Variants in CCT8 observed in about 807,000 individuals in gnomAD.
CCT8 encodes T-complex protein 1 subunit theta.
A neutral mutation model predicts 65.7 loss-of-function variants in CCT8; 10 were observed. That is an observed-to-expected ratio of 0.15 (90% confidence interval 0.09 to 0.26). The LOEUF (loss-of-function observed/expected upper bound fraction) is 0.26, where lower values mean the gene tolerates loss of function less well. Among genes scored for constraint, CCT8 ranks in the 10% least tolerant of loss-of-function variants. The probability of loss-of-function intolerance (pLI) is 1.00; values close to 1 mark genes in which losing one functional copy is unlikely to be tolerated. For synonymous variants in CCT8, 199 were observed against 221.8 expected (o/e 0.90, Z 0.92); for missense variants, 568 against 669.1 (o/e 0.85, Z 1.67).
Position 29,056,506 on chromosome 21 carries a change from T to C in CCT8, c.1616A>G (p.Lys539Arg). Residue 539 changes from lysine (K) to arginine (R), a missense_variant, in exon 15 of 15, where the codon AAG becomes AGG. Lys to Arg is a conservative substitution (Grantham distance 26). Coordinates refer to ENST00000286788, the MANE Select transcript of CCT8 (RefSeq NM_006585.4). The part of the protein sequence containing the change: ...PAGGPKPPSG[K>R]KDWDDDQND ...ATTTTGGTCATCATCCCAGTCTTTC[T>C]TCCCACTTGGAGGCTTGGGCCCACC... 2 of 1,543,642 alleles carry C rather than the reference T, an allele frequency of 1.3e-6. No individual in the cohort carries two copies. Among genetic ancestry groups the C allele is most frequent in the Non-Finnish European group, 1.7e-6 (2 of 1,144,426 alleles).
In CCT8 at chr21:29,061,641, A is replaced by C. The variant is rs373148888; in HGVS notation, c.1213-74T>G. ...ACTAAAAATCAGTTTGCAGTTTTCT[A>C]ATCTTTTCACATTCCAGTACCCCAC... On this transcript the variant is annotated intron_variant, in intron 11 of 14. Transcript: ENST00000286788. 806 of 1,431,626 alleles carry C rather than the reference A, an allele frequency of 5.6e-4. 1 individual carries two copies. Among genetic ancestry groups the C allele is most frequent in the African/African-American group, 4.0e-3 (282 of 70,538 alleles). 88.7% of individuals were successfully genotyped at this position (1,431,626 alleles called of 1,614,324 possible). A position where few individuals can be genotyped will look rare whatever the true frequency, so the allele number is the denominator to read the frequency against.
rs140880362 is a variant in CCT8 at position 29,066,782 on chromosome 21, TAAGA to T, written c.563-9_563-6del. On this transcript the variant is annotated splice_polypyrimidine_tract_variant and splice_region_variant and intron_variant, in intron 5 of 14. Transcript: ENST00000286788. The stretch of plus-strand genomic sequence containing the variant: ...CGGAATCAGGAAAAATAGATACTGT[TAAGA>T]AAATGAGACATATCAAAAGATTATT... The T allele has an allele frequency of 1.6e-3, 2,496 of 1,602,804 alleles. 24 individuals carry two copies. The African/African-American group carries it at 0.029, about 19-fold the overall frequency.
chr21:29,061,931 C>A (rs184285549), intron 11 of CCT8, among the ~76,000 whole-genome samples, 197 bp downstream of exon 11: 1 of 152,172 alleles, frequency 6.6e-6, no homozygotes, highest in Admixed American at 6.5e-5. Flanking sequence ...CTCCTCTGTA[C>A]AATCTTTTTT....
rs1368918638 is a variant in CCT8, at chr21:29,062,398, T to C, written c.1026A>G (p.Glu342=). Residue 342 remains glutamate, a synonymous_variant, in exon 10 of 15, where the codon GAA becomes GAG. Coordinates refer to ENST00000286788, the MANE Select transcript of CCT8 (RefSeq NM_006585.4). ...ALPRLTPPVL[E]EMGHCDSVYL... ...AAACACTGTCACAGTGTCCCATTTCTTCAAGGACAGGAGGTGTCTGTAAGA... is the reference window on the plus strand; with the variant it reads ...AAACACTGTCACAGTGTCCCATTTCCTCAAGGACAGGAGGTGTCTGTAAGA... 2 of 1,613,798 alleles carry C rather than the reference T, an allele frequency of 1.2e-6. No individual in the cohort carries two copies. Among genetic ancestry groups the C allele is most frequent in the African/African-American group, 1.3e-5 (1 of 74,930 alleles).
intron 6 of CCT8, 119 bp downstream of exon 6, chr21:29,066,597 A>T: frequency 1.7e-6 from 1 of 605,946 alleles, no homozygotes; most frequent in South Asian, 2.4e-5. Flanking sequence ...TAAGTGTTCA[A>T]ATCATGAAGT....
rs1298073451 is a variant in CCT8 at position 29,056,401 on chromosome 21, A to C, written c.*74T>G. 5.5e-6 allele frequency: 4 copies of C among 723,596 alleles called. No homozygotes were observed. Among genetic ancestry groups the C allele is most frequent in the Admixed American group, 3.1e-5 (1 of 32,142 alleles). 44.8% of individuals were successfully genotyped at this position (723,596 alleles called of 1,614,324 possible). A position where few individuals can be genotyped will look rare whatever the true frequency, so the allele number is the denominator to read the frequency against. On this transcript the variant is annotated 3_prime_UTR_variant, in exon 15 of 15. Coordinates refer to ENST00000286788, the MANE Select transcript of CCT8 (RefSeq NM_006585.4). ...CAAAATAACTCTTAATTTAAGGAGAATAAGAAAACATCAGGTGATTCTTGA... is the reference window on the plus strand; with the variant it reads ...CAAAATAACTCTTAATTTAAGGAGACTAAGAAAACATCAGGTGATTCTTGA...
At position 29,062,332 on chromosome 21, in the gene CCT8, C is replaced by T. The variant is rs950309198; in HGVS notation, c.1092G>A (p.Lys364=). 6.2e-7 allele frequency: 1 copy of T among 1,613,102 alleles called. No homozygotes were observed. The highest frequency in any genetic ancestry group is 8.5e-7 in the Non-Finnish European group (1 of 1,179,080). ...EVGDTQVVVF[K]HEKEDGAIST... ...TGTTTTACCATTCCTACATACCATGCTTAAAAACCACCACCTGAGTATCTC... is the reference window on the plus strand; with the variant it reads ...TGTTTTACCATTCCTACATACCATGTTTAAAAACCACCACCTGAGTATCTC... Residue 364 remains lysine (K), a synonymous_variant, in exon 10 of 15, where the codon AAG becomes AAA. Transcript: ENST00000286788.
chr21:29,060,177 T>G (rs2085547549), intron 14 of CCT8: 2 of 156,986 alleles, frequency 1.3e-5, no homozygotes, highest in African/African-American at 4.8e-5. Context: ...CAGAAAAAAT[T>G]TTCAATGCCC....
At chr21:29,065,842 G>T (rs1221028605) in intron 6 of CCT8, among the ~76,000 whole-genome samples, 2 of 152,142 alleles carry the variant, frequency 1.3e-5, no homozygotes, top group African/African-American at 2.4e-5. Flanking sequence ...CAGCACTTTG[G>T]GAGGCCAAGG....
intron 14 of CCT8, among the ~76,000 whole-genome samples, chr21:29,058,956 C>T (rs1464953086): frequency 6.6e-6 from 1 of 152,052 alleles, no homozygotes; most frequent in Non-Finnish European, 1.5e-5. Context: ...CTCTGTCAAC[C>T]AGGCTGGAGT....
At chr21:29,064,409 T>TAAAAAAAAAAAAAAAACAAAAAAAA (rs2085597358) in intron 7 of CCT8, among the ~76,000 whole-genome samples, 1 of 26,714 alleles carries the variant, frequency 3.7e-5, no homozygotes, top group Non-Finnish European at 6.2e-5. Context: ...AGCAAGACTC[T>TAAAAAAAAAAAAAAAACAAAAAAAA]AAAAAAAAAA....
intron 14 of CCT8, among the ~76,000 whole-genome samples, chr21:29,057,653 TATATATG>T (rs200252949): frequency 9.1e-4 from 113 of 124,752 alleles, no homozygotes; most frequent in Middle Eastern, 4.1e-3. Flanking sequence ...TTTGATAATA[TATATATG>T]ATATATGTAT....
chr21:29,066,998 T>A lies in CCT8; in HGVS notation c.455A>T (p.Lys152Ile), dbSNP rs372271542. ...ILPNLVCCSA[K>I]NLRDIDEVSS... ...GACTTCATCAATATCTCGAAGGTTT[T>A]TTGCAGAACAACATACCAAATTAGG... The change falls in exon 5 of 15, where the codon AAA (lysine) becomes ATA (isoleucine). Residue 152 changes from lysine (K) to isoleucine (I), a missense_variant. Coordinates refer to ENST00000286788, the MANE Select transcript of CCT8 (RefSeq NM_006585.4). 1.7e-5 allele frequency: 27 copies of A among 1,613,720 alleles called. No individual in the cohort carries two copies. The African/African-American group carries it at 3.3e-4, about 20-fold the overall frequency.
intron 6 of CCT8, 103 bp from the exon 7 acceptor site, chr21:29,065,208 G>T (rs2085608434): frequency 2.4e-6 from 3 of 1,245,200 alleles, no homozygotes; most frequent in South Asian, 1.3e-5. Flanking sequence ...CTAAAATAAA[G>T]TCATAAACCA....
intron 3 of CCT8, 88 bp downstream of exon 3, chr21:29,069,335 A>G (rs2085657394): frequency 2.9e-6 from 2 of 696,584 alleles, no homozygotes; most frequent in Admixed American, 2.9e-5. Flanking sequence ...CCCTTATCCA[A>G]TCTGAAATAA....
rs1361288218 is a variant in CCT8 at position 29,056,399 on chromosome 21, G to A, written c.*76C>T. On this transcript the variant is annotated 3_prime_UTR_variant, in exon 15 of 15. Transcript: ENST00000286788. ...CACAAAATAACTCTTAATTTAAGGA[G>A]AATAAGAAAACATCAGGTGATTCTT... The A allele has an allele frequency of 1.4e-6, 1 of 709,908 alleles. No individual in the cohort carries two copies. Among genetic ancestry groups the A allele is most frequent in the African/African-American group, 1.8e-5 (1 of 55,132 alleles). The allele number at this position is 709,908 out of a possible 1,614,324, so 44.0% of individuals were successfully genotyped here.
At chr21:29,058,145 A>G (rs1342850105) in intron 14 of CCT8, 1 of 152,194 alleles carries the variant, frequency 6.6e-6, no homozygotes, top group Admixed American at 6.5e-5. Flanking sequence ...TTGATTTTAA[A>G]AAGTAACTAA....
Position 29,067,569 on chromosome 21 carries a change from A to G in CCT8, c.368T>C (p.Leu123Pro). The G allele has an allele frequency of 1.4e-6, 2 of 1,464,808 alleles. No individual in the cohort carries two copies. Among genetic ancestry groups the G allele is most frequent in the East Asian group, 2.6e-5 (1 of 37,736 alleles). The allele number at this position is 1,464,808 out of a possible 1,614,324, so 90.7% of individuals were successfully genotyped here. A position where few individuals can be genotyped will look rare whatever the true frequency, so the allele number is the denominator to read the frequency against. ...ATGAACACTTGCCTCTGAAACTGAC[A>G]GGCCAATCCTCAGAAGTTCTTCAGC... ...ELAEELLRIG[L>P]SVSEVIEGYE... is the part of the protein sequence containing the mutation. Residue 123 changes from leucine to proline, a missense_variant, in exon 4 of 15, where the codon CTG becomes CCG. Transcript: ENST00000286788.
At chr21:29,067,530 G>C (rs2085637427) in intron 4 of CCT8, 26 bp downstream of exon 4, 1 of 1,427,340 alleles carries the variant, frequency 7.0e-7, no homozygotes, top group Non-Finnish European at 9.2e-7. Context: ...AAATTTAGTA[G>C]GAGTAAATTA....
Sources: allele counts gnomAD v4.1 joint callset (sites outside exome capture counted in the v4.1 genomes callset), GRCh38; gene constraint gnomAD v4.1.1; transcripts MANE v1.5; gene names NCBI Gene and HGNC (gene_info 2026-07-23, HGNC 2026-07-21).